Variants in TMEM87B observed in about 807,000 individuals in gnomAD.
TMEM87B encodes transmembrane protein 87B.
Under a neutral mutation model 80.3 loss-of-function variants are expected in TMEM87B, and 83 were observed. The observed-to-expected ratio is 1.03, with a 90% confidence interval of 0.87 to 1.24. The LOEUF is 1.24. TMEM87B is among the 50% of genes most tolerant of loss of function. The probability of loss-of-function intolerance (pLI) is 0.00; values close to 1 mark genes in which losing one functional copy is unlikely to be tolerated. For missense variants in TMEM87B, 625 were observed against 674.4 expected, an observed-to-expected ratio of 0.93 and a Z score of 0.81; for synonymous variants, 219 against 230.5, an observed-to-expected ratio of 0.95 and a Z score of 0.45.
chr2:112,068,907 T>C (rs1264354085), intron 4 of TMEM87B, among the ~76,000 whole-genome samples: 10 of 151,816 alleles, frequency 6.6e-5, no homozygotes, highest in Admixed American at 3.9e-4. Flanking sequence ...CGTAAACTCA[T>C]GTAGGCCGGG....
At chr2:112,104,037 A>G (rs1412090249) in intron 15 of TMEM87B, among the ~76,000 whole-genome samples, 3 of 152,172 alleles carry the variant, frequency 2.0e-5, no homozygotes, top group African/African-American at 7.2e-5. Context: ...AACTGGATAA[A>G]TGTGTAGGAA....
chr2:112,091,240 CAA>C (rs113068842), intron 10 of TMEM87B, among the ~76,000 whole-genome samples: 10 of 114,268 alleles, frequency 8.8e-5, no homozygotes, highest in Admixed American at 1.8e-4. Flanking sequence ...AACTCCATCT[CAA>C]AAAAAAAAAA....
chr2:112,081,353 A>G lies in TMEM87B; in HGVS notation c.673A>G (p.Ile225Val), dbSNP rs753727567. The change falls in exon 8 of 19, where the codon ATT becomes GTT. Residue 225 changes from isoleucine to valine, a missense_variant. Ile to Val is a conservative substitution (Grantham distance 29, BLOSUM62 3). Transcript: ENST00000283206. ...CCTACAGTTTTACATGGTGATGTGTATTGTTTATATATTATATGGCATACT... is the reference window on the plus strand; with the variant it reads ...CCTACAGTTTTACATGGTGATGTGTGTTGTTTATATATTATATGGCATACT... ...PLMIFYMVMC[I>V]VYILYGILWL... The G allele has an allele frequency of 1.0e-5, 16 of 1,604,570 alleles. No homozygotes were observed. The African/African-American group carries it at 1.8e-4, about 18-fold the overall frequency.
At chr2:112,115,950 T>C (rs1488835171) in intron 18 of TMEM87B, 134 bp from the exon 19 acceptor site, 2 of 650,136 alleles carry the variant, frequency 3.1e-6, no homozygotes, top group Non-Finnish European at 5.2e-6. Context: ...ATTTTCTGTA[T>C]GTAATATTTC....
intron 13 of TMEM87B, among the ~76,000 whole-genome samples, chr2:112,097,745 C>T (rs1199842278): frequency 6.9e-6 from 1 of 145,170 alleles, no homozygotes; most frequent in Non-Finnish European, 1.5e-5. Context: ...AAACTTTTAA[C>T]TCCTCCAAGT....
At chr2:112,081,163 A>T (rs1678983257) in intron 7 of TMEM87B, 45 bp downstream of exon 7, 1 of 1,569,582 alleles carries the variant, frequency 6.4e-7, no homozygotes, top group South Asian at 1.1e-5. Context: ...AATGAATTTT[A>T]TACCCTAAGA....
intron 1 of TMEM87B, among the ~76,000 whole-genome samples, chr2:112,056,919 T>C (rs1409277309): frequency 6.6e-6 from 1 of 152,244 alleles, no homozygotes; most frequent in Admixed American, 6.5e-5. Flanking sequence ...GGCTTCCTGC[T>C]GCTACGATAG....
At chr2:112,112,953 C>A (rs563638281) in intron 18 of TMEM87B, 24 bp downstream of exon 18, 1 of 1,603,050 alleles carries the variant, frequency 6.2e-7, no homozygotes, top group East Asian at 2.2e-5. Context: ...TTGCATATTT[C>A]CTTGGAGCTG....
At chr2:112,091,089 A>G (rs1208833196) in intron 10 of TMEM87B, among the ~76,000 whole-genome samples, 2 of 152,160 alleles carry the variant, frequency 1.3e-5, no homozygotes, top group Admixed American at 1.3e-4. Flanking sequence ...TTCCTTTAAA[A>G]TTGTACATAG....
At chr2:112,063,372 C>G (rs767315429) in intron 2 of TMEM87B, among the ~76,000 whole-genome samples, 4 of 152,232 alleles carry the variant, frequency 2.6e-5, no homozygotes, top group African/African-American at 9.6e-5. Flanking sequence ...ATTTGTGTCA[C>G]TCTCTTACCT....
Position 112,055,291 on chromosome 2 carries a change from C to A in TMEM87B, c.-301C>A. The A allele has an allele frequency of 2.2e-6, 1 of 446,402 alleles. No individual in the cohort carries two copies. The highest frequency in any genetic ancestry group is 4.0e-6 in the Non-Finnish European group (1 of 252,154). 27.7% of individuals were successfully genotyped at this position (446,402 alleles called of 1,614,324 possible). A position where few individuals can be genotyped will look rare whatever the true frequency, so the allele number is the denominator to read the frequency against. Reference sequence around the variant, plus strand: ...TCTATCTTCACGCCCACGCTAGGCCCTGAGCCCAGCCTCCACGTCTCGCCG... The same window carrying A: ...TCTATCTTCACGCCCACGCTAGGCCATGAGCCCAGCCTCCACGTCTCGCCG... On this transcript the variant is annotated 5_prime_UTR_variant, in exon 1 of 19. In the 5' UTR this introduces an upstream ATG that the reference lacks. Coordinates refer to ENST00000283206, the MANE Select transcript of TMEM87B (RefSeq NM_032824.3).
At chr2:112,063,218 T>C (rs995706875) in intron 2 of TMEM87B, among the ~76,000 whole-genome samples, 1 of 152,232 alleles carries the variant, frequency 6.6e-6, no homozygotes, top group African/African-American at 2.4e-5. Flanking sequence ...GCACATCCCT[T>C]CTGAGGCTAA....
chr2:112,092,919 T>C (rs544652828), intron 11 of TMEM87B, among the ~76,000 whole-genome samples: 2 of 152,378 alleles, frequency 1.3e-5, no homozygotes, highest in Admixed American at 1.3e-4. Context: ...GTTTCTATTA[T>C]ATTTATGTCC....
intron 18 of TMEM87B, 148 bp from the exon 19 acceptor site, chr2:112,115,936 T>G (rs770855360): frequency 4.8e-6 from 3 of 619,212 alleles, no homozygotes; most frequent in Non-Finnish European, 8.2e-6. Context: ...GTACTTGGCC[T>G]TTTATTTTCT....
intron 16 of TMEM87B, among the ~76,000 whole-genome samples, chr2:112,107,022 G>T (rs1004405896): frequency 6.6e-6 from 1 of 152,268 alleles, no homozygotes. Flanking sequence ...GTAGGGAGAT[G>T]AGCATAAATG....
intron 2 of TMEM87B, among the ~76,000 whole-genome samples, chr2:112,062,882 CTG>C (rs553975133): frequency 8.5e-4 from 130 of 152,310 alleles, no homozygotes; most frequent in Non-Finnish European, 1.6e-3. Context: ...GTTCCCAACT[CTG>C]TGTGAGCTCT....
rs1469591485 is a variant in TMEM87B, at chr2:112,055,425, C to G, written c.-167C>G. The G allele has an allele frequency of 6.3e-6, 5 of 788,884 alleles. No individual in the cohort carries two copies. Among genetic ancestry groups the G allele is most frequent in the Non-Finnish European group, 7.4e-6 (4 of 539,066 alleles). 48.9% of individuals were successfully genotyped at this position (788,884 alleles called of 1,614,324 possible). Reference sequence around the variant, plus strand: ...TGCCTCCCGGTCCTGGCCGGGTTTCCCAGAACTGCACGGCGCCTCTCCGCC... The same window carrying G: ...TGCCTCCCGGTCCTGGCCGGGTTTCGCAGAACTGCACGGCGCCTCTCCGCC... On this transcript the variant is annotated 5_prime_UTR_variant, in exon 1 of 19. Coordinates refer to ENST00000283206, the MANE Select transcript of TMEM87B (RefSeq NM_032824.3).
In TMEM87B at chr2:112,085,999, C is replaced by T; in HGVS notation, c.839-6C>T. ...AAGTGAATTATTTTATTTTTTTCTT[C>T]CTCAGCCCAAGGCTTATTGATATTT... On this transcript the variant is annotated splice_region_variant and splice_polypyrimidine_tract_variant and intron_variant, in intron 8 of 18. Transcript: ENST00000283206. 3 of 1,610,384 alleles carry T rather than the reference C, an allele frequency of 1.9e-6. No homozygotes were observed. The highest frequency in any genetic ancestry group is 2.5e-6 in the Non-Finnish European group (3 of 1,178,724).
rs58619427 is a variant in TMEM87B, at chr2:112,065,643, C to CA, written c.319-1270dup. ...CTGGGAGACAGTGAGACCTTGTCTT[C>CA]AAAAAAAAAAAAAAAAAAAAAAAGT... On this transcript the variant is annotated intron_variant, in intron 3 of 18. Transcript: ENST00000283206. Among the ~76,000 whole-genome samples, 685 of 74,964 alleles carry CA rather than the reference C, an allele frequency of 9.1e-3. 7 individuals are homozygous for CA. The highest frequency in any genetic ancestry group is 0.02 in the East Asian group (39 of 1,922). The allele number at this position is 74,964 out of a possible 152,430, so 49.2% of individuals were successfully genotyped here. A position where few individuals can be genotyped will look rare whatever the true frequency, so the allele number is the denominator to read the frequency against.
Sources: gnomAD v4.1 joint callset for allele counts (sites outside exome capture counted in the v4.1 genomes callset) on GRCh38, gnomAD v4.1.1 for gene constraint, MANE v1.5 for transcripts, NCBI Gene and HGNC (gene_info 2026-07-23, HGNC 2026-07-21) for gene names.